The following SLC41A2 variants were observed in gnomAD, a reference collection of about 807,000 sequenced individuals.
SLC41A2 encodes the protein solute carrier family 41 member 2.
A neutral mutation model predicts 58.3 loss-of-function variants in SLC41A2; 32 were observed. The ratio of observed to expected loss-of-function variants is 0.55; its 90% CI spans 0.41 to 0.74. The LOEUF is 0.74. Among genes scored for constraint, SLC41A2 ranks in the 30% least tolerant of loss-of-function variants. The pLI, the probability that SLC41A2 is intolerant of heterozygous loss-of-function variation, is 0.00. For missense variants in SLC41A2, 514 were observed against 680.6 expected, an observed-to-expected ratio of 0.76 and a Z score of 2.72; for synonymous variants, 190 against 235.0, an observed-to-expected ratio of 0.81 and a Z score of 1.75.
intron 4 of SLC41A2, among the ~76,000 whole-genome samples, chr12:104,889,480 G>A (rs1162305045): frequency 6.6e-6 from 1 of 152,158 alleles, no homozygotes; most frequent in Non-Finnish European, 1.5e-5. Flanking sequence ...GCCACCTTCA[G>A]ACTGAGAAGT....
At chr12:104,839,103 T>C (rs958564097) in intron 10 of SLC41A2, among the ~76,000 whole-genome samples, 11 of 152,206 alleles carry the variant, frequency 7.2e-5, no homozygotes, top group African/African-American at 2.7e-4. Context: ...GAGTTCTTAA[T>C]AATCTAATTT....
chr12:104,943,132 CCAA>C (rs2047574348), intron 1 of SLC41A2, among the ~76,000 whole-genome samples: 2 of 151,764 alleles, frequency 1.3e-5, no homozygotes, highest in African/African-American at 4.8e-5. Context: ...AGAAAAGATG[CCAA>C]TGGGTTAAAG....
Position 104,940,864 on chromosome 12 carries a change from A to G in SLC41A2, c.-167-12170T>C, listed in dbSNP as rs2047483540. On this transcript the variant is annotated intron_variant, in intron 1 of 10. Coordinates refer to ENST00000258538, the MANE Select transcript of SLC41A2 (RefSeq NM_001352171.3). The stretch of plus-strand genomic sequence containing the variant: ...AAAACGGGAGGCAGAGGTTGCAGTG[A>G]GCCGAGATCATGGTGATCCCGACCT... Among the ~76,000 whole-genome samples, 3 of 148,798 alleles carry G rather than the reference A, an allele frequency of 2.0e-5. No individual in the cohort carries two copies. The South Asian group carries it at 6.5e-4, about 32-fold the overall frequency.
chr12:104,867,540 A>AT (rs578068745), intron 6 of SLC41A2, among the ~76,000 whole-genome samples: 18 of 140,698 alleles, frequency 1.3e-4, no homozygotes, highest in Admixed American at 3.5e-4. Context: ...TGAATTTTCT[A>AT]TTTTTTTTGC....
At chr12:104,908,911 A>G (rs1368038818) in intron 3 of SLC41A2, among the ~76,000 whole-genome samples, 1 of 152,258 alleles carries the variant, frequency 6.6e-6, no homozygotes, top group African/African-American at 2.4e-5. Context: ...TATGTACAAG[A>G]ATATTCATCA....
At position 104,928,190 on chromosome 12, in the gene SLC41A2, G is replaced by A. The variant is rs779798784; in HGVS notation, c.338C>T (p.Ala113Val). The A allele has an allele frequency of 6.2e-7, 1 of 1,614,048 alleles. No individual in the cohort carries two copies. ...SSCSQKYDDY[A>V]NYNYCDGRET... ...CCTTCCATCACAGTAATTATAATTGGCATAGTCATCATACTTTTGGCTGCA... is the reference window on the plus strand; with the variant it reads ...CCTTCCATCACAGTAATTATAATTGACATAGTCATCATACTTTTGGCTGCA... The change falls in exon 2 of 11, where the codon GCC becomes GTC. Residue 113 changes from alanine to valine, a missense_variant. Physicochemically the swap from Ala to Val is moderately conservative, Grantham distance 64. Around this residue, in one of 3 missense-constraint regions of SLC41A2, gnomAD observed 336 missense variants for 430.0 expected, o/e 0.78. Transcript: ENST00000258538.
chr12:104,854,276 AC>A (rs1477540946), intron 8 of SLC41A2, among the ~76,000 whole-genome samples: 2 of 151,716 alleles, frequency 1.3e-5, no homozygotes, highest in Non-Finnish European at 2.9e-5. Context: ...ATTGAAAAAC[AC>A]CGCCGGCTGG....
intron 2 of SLC41A2, among the ~76,000 whole-genome samples, chr12:104,913,731 T>C (rs1262931266): frequency 6.6e-6 from 1 of 152,210 alleles, no homozygotes; most frequent in Non-Finnish European, 1.5e-5. Context: ...TGCAACCCTG[T>C]ATGAAATATA....
intron 10 of SLC41A2, among the ~76,000 whole-genome samples, chr12:104,828,793 T>C (rs1024912587): frequency 6.6e-6 from 1 of 151,924 alleles, no homozygotes; most frequent in Non-Finnish European, 1.5e-5. Context: ...AACAAAAAAG[T>C]AGTATCCATA....
At chr12:104,856,544 T>C (rs1325597270) in intron 8 of SLC41A2, among the ~76,000 whole-genome samples, 6 of 151,836 alleles carry the variant, frequency 4.0e-5, no homozygotes, top group African/African-American at 9.7e-5. Flanking sequence ...ATGGGAAAGG[T>C]GACTTGGGAT....
intron 1 of SLC41A2, among the ~76,000 whole-genome samples, chr12:104,944,056 A>AAAAAGG (rs1243982743): frequency 1.1e-3 from 173 of 152,310 alleles, no homozygotes; most frequent in African/African-American, 4.1e-3. Context: ...AAAAAAGGGA[A>AAAAAGG]AAAAGGAAAA....
chr12:104,822,940 G>A (rs1466959659), intron 10 of SLC41A2, among the ~76,000 whole-genome samples: 2 of 152,104 alleles, frequency 1.3e-5, no homozygotes, highest in Non-Finnish European at 2.9e-5. Context: ...AGAAATAACT[G>A]AGAAATTTGA....
At chr12:104,884,650 T>C (rs978726498) in intron 6 of SLC41A2, among the ~76,000 whole-genome samples, 2 of 152,132 alleles carry the variant, frequency 1.3e-5, no homozygotes, top group Non-Finnish European at 2.9e-5. Context: ...CTCTCTTTCC[T>C]CCTCCTCCAA....
At chr12:104,886,220 T>C (rs774056903) in intron 6 of SLC41A2, 73 bp downstream of exon 6, 258 of 1,504,552 alleles carry the variant, frequency 1.7e-4, no homozygotes, top group Admixed American at 1.5e-3. Context: ...CATGGATTCA[T>C]GGCATTGCTG....
At position 104,802,336 on chromosome 12, in the gene SLC41A2, A is replaced by G. The variant is rs945457363; in HGVS notation, c.*2816T>C. Among the ~76,000 whole-genome samples the G allele has an allele frequency of 5.9e-5, 9 of 152,230 alleles. No homozygotes were observed. Among genetic ancestry groups the G allele is most frequent in the Non-Finnish European group, 1.0e-4 (7 of 68,040 alleles). ...AGTGAATTCACATTACTTAAGACTG[A>G]TAATAGATTATTGTTGTGGGTAAAT... is the stretch of plus-strand genomic sequence containing the variant. On this transcript the variant is annotated 3_prime_UTR_variant, in exon 11 of 11. Coordinates refer to ENST00000258538, the MANE Select transcript of SLC41A2 (RefSeq NM_001352171.3).
At chr12:104,890,851 T>C (rs1207062450) in intron 4 of SLC41A2, among the ~76,000 whole-genome samples, 2 of 152,206 alleles carry the variant, frequency 1.3e-5, no homozygotes, top group African/African-American at 4.8e-5. Context: ...TGACAGGCGA[T>C]CTGCCTGGGG....
chr12:104,931,201 G>C (rs776429717), intron 1 of SLC41A2, among the ~76,000 whole-genome samples: 1 of 152,178 alleles, frequency 6.6e-6, no homozygotes, highest in Non-Finnish European at 1.5e-5. Context: ...ATGAAACTGT[G>C]CTTAAAAGAC....
intron 8 of SLC41A2, among the ~76,000 whole-genome samples, chr12:104,851,581 T>A (rs2042802282): frequency 6.6e-6 from 1 of 151,988 alleles, no homozygotes; most frequent in Non-Finnish European, 1.5e-5. Context: ...AGAGATGGGG[T>A]CTCACTGTGT....
In SLC41A2 at chr12:104,886,723, G is replaced by T. The variant is rs79198628; in HGVS notation, c.881-284C>A. ...GCTAAAATTTCAGATTTAGTGACAT[G>T]TATATCTTAGATATAATGTATTTGT... On this transcript the variant is annotated intron_variant, in intron 5 of 10. Transcript: ENST00000258538. 5.9e-3 allele frequency among the ~76,000 whole-genome samples: 891 copies of T among 151,980 alleles called. 17 individuals are homozygous for T. The highest frequency in any genetic ancestry group is 0.02 in the African/African-American group (839 of 41,502).
Sources: allele counts gnomAD v4.1 joint callset (sites outside exome capture counted in the v4.1 genomes callset), GRCh38; gene constraint gnomAD v4.1.1; regional missense constraint gnomAD v4.1.1; transcripts MANE v1.5; gene names NCBI Gene and HGNC (gene_info 2026-07-23, HGNC 2026-07-21).